Variants in PKD1 observed in about 807,000 individuals in gnomAD.
PKD1 encodes polycystin-1.
PKD1 carries 81 observed loss-of-function variants against 361.7 expected under a neutral mutation model. The ratio of observed to expected loss-of-function variants is 0.22; its 90% CI spans 0.19 to 0.27. PKD1 has a LOEUF of 0.27. PKD1 is among the 10% of genes least tolerant of loss of function. The probability of loss-of-function intolerance (pLI) is 1.00; values close to 1 mark genes in which losing one functional copy is unlikely to be tolerated. For synonymous variants in PKD1, 3,615 were observed against 2,818.3 expected (o/e 1.28, Z -8.95); for missense variants, 6,399 against 6,118.3 (o/e 1.05, Z -1.53).
rs752648496 is a variant in PKD1, at chr16:2,090,415, A to G, written c.12314T>C (p.Ile4105Thr). ...LWGALRLGAV[I>T]LRWRYHALRG... is the part of the protein sequence containing the mutation. ...CAAGGCGTGGTAGCGCCAGCGGAGA[A>G]TAACAGCCCCCAGCCGTAGGGCGCC... Residue 4105 changes from isoleucine to threonine, a missense_variant, in exon 45 of 46, where the codon ATT becomes ACT. Coordinates refer to ENST00000262304, the MANE Select transcript of PKD1 (RefSeq NM_001009944.3). 5.6e-6 allele frequency: 9 copies of G among 1,612,602 alleles called. No individual in the cohort carries two copies. Among genetic ancestry groups the G allele is most frequent in the East Asian group, 2.2e-5 (1 of 44,878 alleles).
intron 1 of PKD1, among the ~76,000 whole-genome samples, chr16:2,133,891 A>G (rs921665597): frequency 1.7e-4 from 26 of 151,766 alleles, no homozygotes; most frequent in African/African-American, 6.1e-4. Flanking sequence ...CGGGGGCTCC[A>G]CTGCTGTGCC....
intron 30 of PKD1, chr16:2,099,102 G>A: frequency 4.0e-6 from 1 of 247,220 alleles, no homozygotes. Context: ...AAAGTGCTGG[G>A]ATTACAGGCG....
intron 44 of PKD1, 40 bp downstream of exon 44, chr16:2,090,634 G>C (rs764847427): frequency 6.2e-7 from 1 of 1,609,970 alleles, no homozygotes; most frequent in Admixed American, 1.7e-5. Flanking sequence ...GCTGAGCTGA[G>C]CTGAGCTAAG....
Position 2,116,802 on chromosome 16 carries a change from G to A in PKD1, c.1606+31C>T, listed in dbSNP as rs760369759. 176 of 1,349,456 alleles carry A rather than the reference G, an allele frequency of 1.3e-4. 2 individuals carry two copies. In the South Asian group the frequency reaches 1.5e-3, roughly 11 times the overall value. 83.6% of individuals were successfully genotyped at this position (1,349,456 alleles called of 1,614,324 possible). A position where few individuals can be genotyped will look rare whatever the true frequency, so the allele number is the denominator to read the frequency against. ...CGGCAGGCCCCTAACCACAGCCAGC[G>A]TCTCAGGCCCCTGCCTGGCCCCCCG... On this transcript the variant is annotated intron_variant, in intron 7 of 45. Coordinates refer to ENST00000262304, the MANE Select transcript of PKD1 (RefSeq NM_001009944.3).
At chr16:2,113,660 G>A (rs2092576518) in intron 11 of PKD1, 1 of 398,132 alleles carries the variant, frequency 2.5e-6, no homozygotes, top group Non-Finnish European at 4.7e-6. Context: ...CACCTACACT[G>A]GCTTACAGAA....
chr16:2,094,042 G>A (rs971439498), intron 35 of PKD1, 29 bp from the exon 36 acceptor site: 5 of 1,588,394 alleles, frequency 3.1e-6, no homozygotes, highest in Admixed American at 3.5e-5. Context: ...ACCTGTGAGA[G>A]GCAGCTCACA....
chr16:2,093,598 G>A lies in PKD1; in HGVS notation c.10962C>T (p.Leu3654=). Residue 3654 remains leucine (L), a synonymous_variant, in exon 37 of 46, where the codon CTC becomes CTT. Coordinates refer to ENST00000262304, the MANE Select transcript of PKD1 (RefSeq NM_001009944.3). ...TGCGGGCTTCTTCCTTGGCCAGGAAGAGTGCAAAGCCGTGGGGTGGCCGTA... is the reference window on the plus strand; with the variant it reads ...TGCGGGCTTCTTCCTTGGCCAGGAAAAGTGCAAAGCCGTGGGGTGGCCGTA... ...PRVRPPHGFA[L]FLAKEEARKV... The A allele has an allele frequency of 1.2e-6, 2 of 1,609,080 alleles. No homozygotes were observed. Among genetic ancestry groups the A allele is most frequent in the Non-Finnish European group, 1.7e-6 (2 of 1,178,150 alleles).
At position 2,094,106 on chromosome 16, in the gene PKD1, C is replaced by T; in HGVS notation, c.10604G>A (p.Arg3535Lys). 1 of 1,592,268 alleles carries T rather than the reference C, an allele frequency of 6.3e-7. No individual in the cohort carries two copies. Among genetic ancestry groups the T allele is most frequent in the Non-Finnish European group, 8.6e-7 (1 of 1,168,940 alleles). Residue 3535 changes from arginine (R) to lysine (K), a missense_variant, in exon 35 of 46, where the codon AGG (arginine) becomes AAG (lysine). Coordinates refer to ENST00000262304, the MANE Select transcript of PKD1 (RefSeq NM_001009944.3). ...CGCAAGCACACCTGTCCTGGACAGC[C>T]TCGCTGCCTGGGGCTGTTCCCAGTT... ...GLNWEQPQAA[R>K]LSRTGLVEGL... is the part of the protein sequence containing the mutation.
chr16:2,123,789 C>T (rs1042449023), intron 1 of PKD1, among the ~76,000 whole-genome samples: 3 of 152,212 alleles, frequency 2.0e-5, no homozygotes, highest in African/African-American at 7.2e-5. Flanking sequence ...CTCCTCACCC[C>T]AGTTCCTGCT....
At position 2,118,157 on chromosome 16, in the gene PKD1, C is replaced by G; in HGVS notation, c.835G>C (p.Gly279Arg). 1 of 1,579,206 alleles carries G rather than the reference C, an allele frequency of 6.3e-7. No individual in the cohort carries two copies. Among genetic ancestry groups the G allele is most frequent in the Non-Finnish European group, 8.6e-7 (1 of 1,164,944 alleles). ...CCAGAGGCCAGAGGTCCGTGGGGCCCCACCAGGGTGGCCCCTGGGGAGGCA... is the reference window on the plus strand; with the variant it reads ...CCAGAGGCCAGAGGTCCGTGGGGCCGCACCAGGGTGGCCCCTGGGGAGGCA... ...FPASPGATLV[G>R]PHGPLASGQL... The change falls in exon 5 of 46, where the codon GGG becomes CGG. Residue 279 changes from glycine (G) to arginine (R), a missense_variant. Physicochemically the swap from Gly to Arg is moderately radical, Grantham distance 125. Coordinates refer to ENST00000262304, the MANE Select transcript of PKD1 (RefSeq NM_001009944.3). The surrounding 1 kb of genome is among the most constrained non-coding windows in gnomAD (Gnocchi z 6.0).
chr16:2,111,829 T>G lies in PKD1; in HGVS notation c.3338A>C (p.Asn1113Thr), dbSNP rs746788425. ...GCTCACAGGCACCTGCTGCGTCAGGTTCTCGAAGGCATTAGATGCCAGCAC... is the reference window on the plus strand; with the variant it reads ...GCTCACAGGCACCTGCTGCGTCAGGGTCTCGAAGGCATTAGATGCCAGCAC... ...LTVLASNAFE[N>T]LTQQVPVSVR... Residue 1113 changes from asparagine (N) to threonine (T), a missense_variant, in exon 15 of 46, where the codon AAC becomes ACC. By Grantham distance (65) the Asn-to-Thr change is moderately conservative. Coordinates refer to ENST00000262304, the MANE Select transcript of PKD1 (RefSeq NM_001009944.3). 5 of 1,610,182 alleles carry G rather than the reference T, an allele frequency of 3.1e-6. No homozygotes were observed. The highest frequency in any genetic ancestry group is 3.3e-5 in the Admixed American group (2 of 59,978).
chr16:2,102,365 G>T lies in PKD1; in HGVS notation c.9201+16C>A, dbSNP rs1340551064. 1 of 1,552,686 alleles carries T rather than the reference G, an allele frequency of 6.4e-7. No individual in the cohort carries two copies. The highest frequency in any genetic ancestry group is 1.2e-5 in the South Asian group (1 of 84,724). ...CTCGACTCTGCAGAGGCTCCCAGGA[G>T]CACAGGGTCACTCACAGGAAACACA... On this transcript the variant is annotated intron_variant, in intron 25 of 45. Coordinates refer to ENST00000262304, the MANE Select transcript of PKD1 (RefSeq NM_001009944.3).
chr16:2,115,169 A>C (rs1339852571), intron 10 of PKD1: 17 of 736,184 alleles, frequency 2.3e-5, no homozygotes, highest in Non-Finnish European at 2.7e-5. Context: ...GAGGAAGAGG[A>C]GGCACAGCTC....
At position 2,109,897 on chromosome 16, in the gene PKD1, C is replaced by G. The variant is rs770462764; in HGVS notation, c.5270G>C (p.Gly1757Ala). 8.1e-6 allele frequency: 13 copies of G among 1,610,474 alleles called. No individual in the cohort carries two copies. The highest frequency in any genetic ancestry group is 1.3e-5 in the African/African-American group (1 of 74,862). ...GVVYTWSLEEGLSWETSEPFT... is the reference protein window; with the variant it reads ...GVVYTWSLEEALSWETSEPFT... ...TGGCTCGGAGGTCTCCCAGCTCAGC[C>G]CCTCCTCCAAGGACCAAGTGTATAC... is the stretch of plus-strand genomic sequence containing the variant. Residue 1757 changes from glycine (G) to alanine (A), a missense_variant, in exon 15 of 46, where the codon GGG becomes GCG. Transcript: ENST00000262304.
chr16:2,092,652 C>G (rs2091650434), intron 38 of PKD1, 60 bp from the exon 39 acceptor site: 2 of 1,213,278 alleles, frequency 1.6e-6, no homozygotes, highest in East Asian at 2.4e-5. Flanking sequence ...CTCGAGTGAG[C>G]GGCCACCAGA....
At position 2,116,106 on chromosome 16, in the gene PKD1, G is replaced by A; in HGVS notation, c.1735C>T (p.Pro579Ser). Reference sequence around the variant, plus strand: ...GCTTCACGGCTCAGACGCAGGCCCGGGAATACCATGACCTGGTGGGCAGGG... The same window carrying A: ...GCTTCACGGCTCAGACGCAGGCCCGAGAATACCATGACCTGGTGGGCAGGG... Reference protein sequence around the residue: ...PHEPVEVMVFPGLRLSREAFL... With the variant: ...PHEPVEVMVFSGLRLSREAFL... The change falls in exon 9 of 46, where the codon CCG (proline) becomes TCG (serine). Residue 579 changes from proline (P) to serine (S), a missense_variant. Transcript: ENST00000262304. 2.6e-6 allele frequency: 4 copies of A among 1,550,770 alleles called. No individual in the cohort carries two copies. Among genetic ancestry groups the A allele is most frequent in the East Asian group, 2.3e-5 (1 of 43,496 alleles).
intron 1 of PKD1, among the ~76,000 whole-genome samples, chr16:2,122,652 C>G (rs952169918): frequency 6.6e-6 from 1 of 152,198 alleles, no homozygotes; most frequent in Non-Finnish European, 1.5e-5. Context: ...GCACCATGCC[C>G]GAGGGGGAAC....
rs942831186 is a variant in PKD1 at position 2,109,568 on chromosome 16, T to C, written c.5599A>G (p.Asn1867Asp). 8 of 1,611,632 alleles carry C rather than the reference T, an allele frequency of 5.0e-6. No homozygotes were observed. The Admixed American group carries it at 1.2e-4, about 24-fold the overall frequency. Residue 1867 changes from asparagine to aspartate, a missense_variant, in exon 15 of 46, where the codon AAT becomes GAT. By Grantham distance (23) the Asn-to-Asp change is conservative. Coordinates refer to ENST00000262304, the MANE Select transcript of PKD1 (RefSeq NM_001009944.3). ...PDAGTFSIRLNASNAVSWVSA... is the reference protein window; with the variant it reads ...PDAGTFSIRLDASNAVSWVSA... ...ACCCAGCTGACTGCGTTGGAGGCAT[T>C]GAGCCGGATGGAGAAGGTGCCAGCA... is the stretch of plus-strand genomic sequence containing the variant.
intron 1 of PKD1, among the ~76,000 whole-genome samples, chr16:2,126,736 G>A (rs2092804490): frequency 6.6e-6 from 1 of 152,256 alleles, no homozygotes. Context: ...CCACTGCAGA[G>A]CTCCAGAAAA....
Sources: gnomAD v4.1 joint callset for allele counts (sites outside exome capture counted in the v4.1 genomes callset) on GRCh38, gnomAD v4.1.1 for gene constraint, Gnocchi (gnomAD v3.1) non-coding constraint, MANE v1.5 for transcripts, NCBI Gene and HGNC (gene_info 2026-07-23, HGNC 2026-07-21) for gene names.